The following GATAD1 variants were observed in gnomAD, a reference collection of about 807,000 sequenced individuals.
GATAD1 encodes the protein GATA zinc finger domain-containing protein 1.
GATAD1 carries 12 observed loss-of-function variants against 26.5 expected under a neutral mutation model. The observed-to-expected ratio is 0.45, with a 90% CI of 0.29 to 0.73. GATAD1 has a LOEUF of 0.73. Ranked by LOEUF, GATAD1 falls within the 30% of genes least tolerant of loss-of-function variation. The pLI is 0.10. For missense variants in GATAD1, 266 were observed against 342.1 expected (o/e 0.78, Z 1.75); for synonymous variants, 129 against 133.1 (o/e 0.97, Z 0.21).
At position 92,459,806 on chromosome 7, in the gene GATAD1, G is replaced by A. The variant is rs1470554873; in HGVS notation, c.*3244G>A. Among the ~76,000 whole-genome samples the A allele has an allele frequency of 1.3e-5, 2 of 152,100 alleles. No individual in the cohort carries two copies. The highest frequency in any genetic ancestry group is 1.3e-4 in the Admixed American group (2 of 15,270). On this transcript the variant is annotated 3_prime_UTR_variant, in exon 5 of 5. Coordinates refer to ENST00000287957, the MANE Select transcript of GATAD1 (RefSeq NM_021167.5). The stretch of plus-strand genomic sequence containing the variant: ...TGTAACTTCCACATAACCTAACCCC[G>A]GTTCTTGCTTATGGGAGATGCTGAT...
chr7:92,455,993 C>T (rs1454025248), intron 4 of GATAD1, among the ~76,000 whole-genome samples: 1 of 152,144 alleles, frequency 6.6e-6, no homozygotes, highest in Non-Finnish European at 1.5e-5. Flanking sequence ...TGCCATTTAC[C>T]GGCCATGTGA....
downstream of GATAD1, among the ~76,000 whole-genome samples, chr7:92,464,463 T>A (rs1790030529): frequency 1.3e-5 from 2 of 152,240 alleles, no homozygotes; most frequent in Admixed American, 1.3e-4. Context: ...GTTTCTGGCC[T>A]GTGGGCCAGC....
chr7:92,485,596 C>A, the GATAD1 span, among the ~76,000 whole-genome samples: 2 of 152,216 alleles, frequency 1.3e-5, no homozygotes, highest in Non-Finnish European at 2.9e-5. Flanking sequence ...ACCAGACACT[C>A]TGGGGATTAT....
chr7:92,483,225 C>T, the GATAD1 span, among the ~76,000 whole-genome samples: 1 of 152,136 alleles, frequency 6.6e-6, no homozygotes, highest in Non-Finnish European at 1.5e-5. Flanking sequence ...ATTCCTTGGC[C>T]CAATGGTCAG....
At position 92,447,759 on chromosome 7, in the gene GATAD1, C is replaced by T. The variant is rs1432963553; in HGVS notation, c.30C>T (p.Ser10=). 1 of 1,498,086 alleles carries T rather than the reference C, an allele frequency of 6.7e-7. No homozygotes were observed. The highest frequency in any genetic ancestry group is 8.9e-7 in the Non-Finnish European group (1 of 1,123,134). The allele number at this position is 1,498,086 out of a possible 1,614,324, so 92.8% of individuals were successfully genotyped here. A position where few individuals can be genotyped will look rare whatever the true frequency, so the allele number is the denominator to read the frequency against. ...CGCTGGGCCTGAAGCCCACCTGCAG[C>T]GTATGCAAGACCACGTCGTCCTCCA... The part of the protein sequence containing the change: MPLGLKPTC[S]VCKTTSSSMW... The change falls in exon 1 of 5, where the codon AGC becomes AGT. Residue 10 remains serine, a synonymous_variant. Transcript: ENST00000287957.
chr7:92,489,847 T>C, the GATAD1 span: 649 of 1,614,052 alleles, frequency 4.0e-4, 1 homozygote, highest in Admixed American at 8.0e-4. Context: ...AAACAACTGG[T>C]CTTTCCCAGG....
At chr7:92,461,562 A>G (rs960706813), downstream of GATAD1, among the ~76,000 whole-genome samples, 9 of 152,274 alleles carry the variant, frequency 5.9e-5, no homozygotes, top group Admixed American at 5.9e-4. Flanking sequence ...TTATTTGGCC[A>G]TCTTTTTGCT....
At chr7:92,493,037 G>A in the GATAD1 span, 1 of 1,611,324 alleles carries the variant, frequency 6.2e-7, no homozygotes, top group Non-Finnish European at 8.5e-7. Context: ...CTCCAGTAAA[G>A]GAGTCAGTTA....
rs558092599 is a variant in GATAD1 at position 92,456,237 on chromosome 7, G to A, written c.620-135G>A. The A allele has an allele frequency of 6.6e-4, 361 of 543,062 alleles. 4 individuals are homozygous for A. In the South Asian group the frequency reaches 9.5e-3, roughly 14 times the overall value. 33.6% of individuals were successfully genotyped at this position (543,062 alleles called of 1,614,324 possible). On this transcript the variant is annotated intron_variant, in intron 4 of 4. Coordinates refer to ENST00000287957, the MANE Select transcript of GATAD1 (RefSeq NM_021167.5). ...AAAAATGATTAAGAATAATTTCAAA[G>A]TAATGCATGTTTCAAGGGCTAATGC...
At chr7:92,469,357 GT>G in the GATAD1 span, 1 of 766,172 alleles carries the variant, frequency 1.3e-6, no homozygotes, top group East Asian at 2.4e-5. Flanking sequence ...CTGAGTAGAG[GT>G]TGTGATACCG....
At chr7:92,486,115 C>G in the GATAD1 span, among the ~76,000 whole-genome samples, 5 of 152,172 alleles carry the variant, frequency 3.3e-5, no homozygotes, top group Admixed American at 6.5e-5. Flanking sequence ...ATGTGGACTT[C>G]CCCCTCACCA....
chr7:92,459,265 A>G lies in GATAD1; in HGVS notation c.*2703A>G, dbSNP rs1448532965. 1.3e-5 allele frequency: 2 copies of G among 152,166 alleles called. No homozygotes were observed. Among genetic ancestry groups the G allele is most frequent in the Non-Finnish European group, 2.9e-5 (2 of 68,034 alleles). The allele number at this position is 152,166 out of a possible 1,614,324, so 9.4% of individuals were successfully genotyped here. A position where few individuals can be genotyped will look rare whatever the true frequency, so the allele number is the denominator to read the frequency against. ...AGATTTTGGAGTAGATTCATCATTA[A>G]TAAGTAACAGATTTTAGGAAAATCA... On this transcript the variant is annotated 3_prime_UTR_variant, in exon 5 of 5. Transcript: ENST00000287957.
chr7:92,489,398 C>G, the GATAD1 span: 8 of 1,612,810 alleles, frequency 5.0e-6, no homozygotes, highest in Non-Finnish European at 6.8e-6. Flanking sequence ...TTTGATTGGT[C>G]CTGGTTGGTT....
In GATAD1 at chr7:92,447,955, A is replaced by G; in HGVS notation, c.226A>G (p.Asn76Asp). Residue 76 changes from asparagine to aspartate, a missense_variant, in exon 1 of 5, where the codon AAC becomes GAC. Transcript: ENST00000287957. ...ASTSATPPQS[N>D]GGGGGKQSKQ... ...CACCTCCGCCACCCCTCCGCAGAGC[A>G]ACGGGGGCGGGGGCGGCAAGCAGGT... is the stretch of plus-strand genomic sequence containing the variant. 1 of 1,226,550 alleles carries G rather than the reference A, an allele frequency of 8.2e-7. No homozygotes were observed. The highest frequency in any genetic ancestry group is 1.0e-6 in the Non-Finnish European group (1 of 985,302). The allele number at this position is 1,226,550 out of a possible 1,614,324, so 76.0% of individuals were successfully genotyped here. A position where few individuals can be genotyped will look rare whatever the true frequency, so the allele number is the denominator to read the frequency against.
At chr7:92,476,715 C>T in the GATAD1 span, among the ~76,000 whole-genome samples, 1 of 151,866 alleles carries the variant, frequency 6.6e-6, no homozygotes. Context: ...TCTCTTTTCC[C>T]TCAGCCATTT....
the GATAD1 span, among the ~76,000 whole-genome samples, chr7:92,488,837 A>T: frequency 6.6e-6 from 1 of 151,544 alleles, no homozygotes; most frequent in Non-Finnish European, 1.5e-5. Context: ...GGGTTCAAGC[A>T]ATTCTCCTGT....
the GATAD1 span, among the ~76,000 whole-genome samples, chr7:92,482,056 T>G: frequency 7.2e-5 from 11 of 152,188 alleles, no homozygotes; most frequent in Admixed American, 5.2e-4. Flanking sequence ...AAGTAGAAGG[T>G]CATCAATATA....
chr7:92,448,672 C>A, intron 1 of GATAD1, 80 bp from the exon 2 acceptor site: 1 of 1,101,328 alleles, frequency 9.1e-7, no homozygotes. Flanking sequence ...CTCTGGGATC[C>A]TTGTAAGATG....
At chr7:92,452,233 G>A (rs1207398865) in intron 3 of GATAD1, among the ~76,000 whole-genome samples, 2 of 152,224 alleles carry the variant, frequency 1.3e-5, no homozygotes, top group Non-Finnish European at 2.9e-5. Flanking sequence ...TGTGGGACCT[G>A]TTATTGTGAC....
Sources: allele counts gnomAD v4.1 joint callset (sites outside exome capture counted in the v4.1 genomes callset), GRCh38; gene constraint gnomAD v4.1.1; transcripts MANE v1.5; gene names NCBI Gene and HGNC (gene_info 2026-07-23, HGNC 2026-07-21).